PRDM16: variants seen among roughly 807,000 people sequenced by gnomAD.
The protein encoded by PRDM16 is histone-lysine N-methyltransferase PRDM16.
In PRDM16, 23 loss-of-function variants were observed where a neutral mutation model predicts 110.6. That is an observed-to-expected ratio of 0.21 (90% CI 0.15 to 0.29). The LOEUF is 0.29. PRDM16 is among the 10% of genes least tolerant of loss of function. The probability of loss-of-function intolerance (pLI) is 1.00; values close to 1 mark genes in which losing one functional copy is unlikely to be tolerated. For synonymous variants in PRDM16, 799 were observed against 781.8 expected, an observed-to-expected ratio of 1.02 and a Z score of -0.37; for missense variants, 1,615 against 1,794.3, an observed-to-expected ratio of 0.90 and a Z score of 1.81.
Position 3,359,595 on chromosome 1 carries a change from C to G in PRDM16, c.439-25557C>G, listed in dbSNP as rs1642675002. On this transcript the variant is annotated intron_variant, in intron 3 of 16. Coordinates refer to ENST00000270722, the MANE Select transcript of PRDM16 (RefSeq NM_022114.4). The surrounding 1 kb of genome is among the most constrained non-coding windows in gnomAD (Gnocchi z 4.3). Reference sequence around the variant, plus strand: ...CTCCAGGCTCGGGTTTCAGCCTCCCCTCCACCTGTCACCGTTGTTTATCCT... The same window carrying G: ...CTCCAGGCTCGGGTTTCAGCCTCCCGTCCACCTGTCACCGTTGTTTATCCT... Among the ~76,000 whole-genome samples, 1 of 152,214 alleles carries G rather than the reference C, an allele frequency of 6.6e-6. No homozygotes were observed. The highest frequency in any genetic ancestry group is 2.4e-5 in the African/African-American group (1 of 41,460).
intron 2 of PRDM16, among the ~76,000 whole-genome samples, chr1:3,211,503 C>T (rs1047062981): frequency 2.0e-5 from 3 of 152,288 alleles, no homozygotes; most frequent in Non-Finnish European, 2.9e-5. Flanking sequence ...TCTTGGGGCC[C>T]GTCGGGGGCT....
In PRDM16 at chr1:3,244,252, G is replaced by A. The variant is rs1639737757; in HGVS notation, c.438+115G>A. 1 of 951,032 alleles carries A rather than the reference G, an allele frequency of 1.1e-6. No individual in the cohort carries two copies. Among genetic ancestry groups the A allele is most frequent in the Non-Finnish European group, 1.7e-6 (1 of 604,122 alleles). The allele number at this position is 951,032 out of a possible 1,614,324, so 58.9% of individuals were successfully genotyped here. On this transcript the variant is annotated intron_variant, in intron 3 of 16. Transcript: ENST00000270722. The surrounding 1 kb of genome is among the most constrained non-coding windows in gnomAD (Gnocchi z 4.1). ...ACAAGCGTGTAGTCGGAATGTTGCT[G>A]GCAGGCCCCGAGCAATGTGTTATCT... is the stretch of plus-strand genomic sequence containing the variant.
chr1:3,426,935 G>A (rs778603770), intron 14 of PRDM16, among the ~76,000 whole-genome samples: 11 of 152,160 alleles, frequency 7.2e-5, no homozygotes, highest in Non-Finnish European at 1.3e-4. Context: ...GTGCACTCAT[G>A]CACACACGTG....
chr1:3,218,005 G>A (rs1639071225), intron 2 of PRDM16, among the ~76,000 whole-genome samples: 1 of 152,220 alleles, frequency 6.6e-6, no homozygotes, highest in Non-Finnish European at 1.5e-5. Flanking sequence ...GGACACCGGA[G>A]CAATAAATCA....
Position 3,339,537 on chromosome 1 carries a change from C to T in PRDM16, c.439-45615C>T, listed in dbSNP as rs765549953. ...TCAAGAGCAACAAAGCTTTGTTGCCCACCGAGCGATTCAGGCAGTGAGGTG... is the reference window on the plus strand; with the variant it reads ...TCAAGAGCAACAAAGCTTTGTTGCCTACCGAGCGATTCAGGCAGTGAGGTG... On this transcript the variant is annotated intron_variant, in intron 3 of 16. Coordinates refer to ENST00000270722, the MANE Select transcript of PRDM16 (RefSeq NM_022114.4). The surrounding 1 kb of genome is among the most constrained non-coding windows in gnomAD (Gnocchi z 5.0). Among the ~76,000 whole-genome samples the T allele has an allele frequency of 6.6e-6, 1 of 152,094 alleles. No homozygotes were observed. The highest frequency in any genetic ancestry group is 1.5e-5 in the Non-Finnish European group (1 of 68,012).
chr1:3,275,389 G>T (rs1441086774), intron 3 of PRDM16, among the ~76,000 whole-genome samples: 1 of 152,194 alleles, frequency 6.6e-6, no homozygotes, highest in Non-Finnish European at 1.5e-5. Flanking sequence ...CTTCCTGCCT[G>T]CCTGTCTCTC....
intron 1 of PRDM16, among the ~76,000 whole-genome samples, chr1:3,072,758 C>T (rs1013986503): frequency 3.9e-5 from 6 of 152,188 alleles, no homozygotes; most frequent in Non-Finnish European, 7.3e-5. Context: ...GGACGTCCGG[C>T]GGGAATCCAG....
chr1:3,098,082 C>T (rs983749700), intron 1 of PRDM16, among the ~76,000 whole-genome samples: 3 of 152,202 alleles, frequency 2.0e-5, no homozygotes, highest in African/African-American at 4.8e-5. Context: ...GGCTCCTTCC[C>T]AGTCTGTAAA....
intron 1 of PRDM16, among the ~76,000 whole-genome samples, chr1:3,089,183 G>A (rs537020635): frequency 3.7e-4 from 57 of 152,336 alleles, no homozygotes; most frequent in African/African-American, 1.3e-3. Flanking sequence ...CCTCCGACTC[G>A]ACGTCTGAAT....
intron 3 of PRDM16, among the ~76,000 whole-genome samples, chr1:3,273,108 G>A (rs1199539286): frequency 6.6e-6 from 1 of 152,222 alleles, no homozygotes; most frequent in African/African-American, 2.4e-5. Context: ...GAGGAAGAAA[G>A]GCCCAGAAAC....
rs183797774 is a variant in PRDM16 at position 3,195,758 on chromosome 1, C to T, written c.387+9284C>T. ...CGTGGGGGCGTGGCCCAGCCTCCCCCTAGGTCCCCCAAGGCTCCCTGTGAG... is the reference window on the plus strand; with the variant it reads ...CGTGGGGGCGTGGCCCAGCCTCCCCTTAGGTCCCCCAAGGCTCCCTGTGAG... On this transcript the variant is annotated intron_variant, in intron 2 of 16. Coordinates refer to ENST00000270722, the MANE Select transcript of PRDM16 (RefSeq NM_022114.4). Among the ~76,000 whole-genome samples, 198 of 152,264 alleles carry T rather than the reference C, an allele frequency of 1.3e-3. 1 individual carries two copies. Among genetic ancestry groups the T allele is most frequent in the Admixed American group, 2.2e-3 (34 of 15,304 alleles).
Position 3,184,512 on chromosome 1 carries a change from G to A in PRDM16, c.38-1613G>A, listed in dbSNP as rs60760574. Among the ~76,000 whole-genome samples, 83 of 152,262 alleles carry A rather than the reference G, an allele frequency of 5.5e-4. No homozygotes were observed. The East Asian group carries it at 0.013, about 24-fold the overall frequency. The stretch of plus-strand genomic sequence containing the variant: ...AAGATCTAGATCAGGTCAGGGTGAC[G>A]GAGCTCACCCCACCTCCTGTCCCTT... On this transcript the variant is annotated intron_variant, in intron 1 of 16. Coordinates refer to ENST00000270722, the MANE Select transcript of PRDM16 (RefSeq NM_022114.4).
At position 3,093,395 on chromosome 1, in the gene PRDM16, G is replaced by T. The variant is rs191050683; in HGVS notation, c.37+24099G>T. 2.8e-3 allele frequency among the ~76,000 whole-genome samples: 428 copies of T among 152,350 alleles called. 2 individuals carry two copies. Among genetic ancestry groups the T allele is most frequent in the Admixed American group, 0.016 (238 of 15,302 alleles). ...TGCAACATGGTCAGACTGGGGTGCA[G>T]CTGGGACTCGGTCAGAAACCATCTG... On this transcript the variant is annotated intron_variant, in intron 1 of 16. Coordinates refer to ENST00000270722, the MANE Select transcript of PRDM16 (RefSeq NM_022114.4).
rs138655327 is a variant in PRDM16, at chr1:3,411,906, C to T, written c.1709C>T (p.Thr570Met). 8.4e-4 allele frequency: 1,362 copies of T among 1,613,620 alleles called. 36 individuals are homozygous for T. The East Asian group carries it at 0.029, about 35-fold the overall frequency. ...SAVSNSSQGT[T>M]AAAGPEEKFE... ...GTCAGCAACAGCAGCCAGGGCACGA[C>T]GGCAGCTGCGGGGCCCGAGGAGAAG... The change falls in exon 9 of 17, where the codon ACG becomes ATG. Residue 570 changes from threonine to methionine, a missense_variant. By Grantham distance (81) the Thr-to-Met change is moderately conservative. This residue lies in a region of PRDM16 where 772 missense variants were observed against 748.3 expected (regional missense o/e 1.03). Coordinates refer to ENST00000270722, the MANE Select transcript of PRDM16 (RefSeq NM_022114.4).
intron 3 of PRDM16, among the ~76,000 whole-genome samples, chr1:3,356,544 C>G (rs1268853591): frequency 6.6e-6 from 1 of 152,184 alleles, no homozygotes; most frequent in Admixed American, 6.5e-5. Flanking sequence ...TGCCTGGGTG[C>G]AGAGTATTTA....
intron 14 of PRDM16, among the ~76,000 whole-genome samples, chr1:3,429,515 C>T (rs566666806): frequency 4.6e-5 from 7 of 152,322 alleles, no homozygotes; most frequent in African/African-American, 1.7e-4. Context: ...CATCTCATCC[C>T]GTCCTCAGAG....
intron 3 of PRDM16, among the ~76,000 whole-genome samples, chr1:3,371,992 G>A (rs912586155): frequency 1.3e-5 from 2 of 152,246 alleles, no homozygotes; most frequent in East Asian, 3.8e-4. Flanking sequence ...ATAAGCGGAT[G>A]AGAAGACTCT....
chr1:3,367,657 C>T (rs373498957), intron 3 of PRDM16, among the ~76,000 whole-genome samples: 1 of 152,154 alleles, frequency 6.6e-6, no homozygotes, highest in South Asian at 2.1e-4. Context: ...ACTTCTTCCC[C>T]GCTGTAGACT....
chr1:3,181,009 G>A (rs1030807818), intron 1 of PRDM16, among the ~76,000 whole-genome samples: 8 of 140,460 alleles, frequency 5.7e-5, no homozygotes, highest in Non-Finnish European at 7.8e-5. Context: ...CTTACACGCG[G>A]TCTTACAAAT....
Sources: allele counts gnomAD v4.1 joint callset (sites outside exome capture counted in the v4.1 genomes callset), GRCh38; gene constraint gnomAD v4.1.1; regional missense constraint gnomAD v4.1.1; non-coding constraint Gnocchi (gnomAD v3.1); transcripts MANE v1.5; gene names NCBI Gene and HGNC (gene_info 2026-07-23, HGNC 2026-07-21).